Variants in DENND5A observed in about 807,000 individuals in gnomAD.
The protein encoded by DENND5A is DENN domain-containing protein 5A.
A neutral mutation model predicts 140.3 loss-of-function variants in DENND5A; 64 were observed. The observed-to-expected ratio is 0.46, with a 90% CI of 0.37 to 0.56. DENND5A has a LOEUF of 0.56. Among genes scored for constraint, DENND5A ranks in the 20% least tolerant of loss-of-function variants. The pLI is 0.00. For missense variants in DENND5A, 1,292 were observed against 1,593.8 expected, an observed-to-expected ratio of 0.81 and a Z score of 3.22; for synonymous variants, 605 against 607.7, an observed-to-expected ratio of 1.00 and a Z score of 0.07.
intron 5 of DENND5A, among the ~76,000 whole-genome samples, chr11:9,191,217 GT>G (rs145518255): frequency 3.4e-5 from 5 of 148,060 alleles, no homozygotes; most frequent in Admixed American, 6.8e-5. Flanking sequence ...TTTCTTTTCT[GT>G]TTTTTTTTTG....
At chr11:9,262,316 G>A (rs964449208) in intron 1 of DENND5A, among the ~76,000 whole-genome samples, 2 of 152,088 alleles carry the variant, frequency 1.3e-5, no homozygotes, top group South Asian at 2.1e-4. Flanking sequence ...TCTATCATTC[G>A]CAAAACATTC....
intron 1 of DENND5A, among the ~76,000 whole-genome samples, chr11:9,221,116 T>C (rs1304107943): frequency 6.6e-6 from 1 of 151,256 alleles, no homozygotes; most frequent in South Asian, 2.1e-4. Context: ...CAAAAAACTT[T>C]GGTATCAGAA....
chr11:9,175,010 T>C (rs555285117), intron 8 of DENND5A, among the ~76,000 whole-genome samples: 43 of 152,100 alleles, frequency 2.8e-4, no homozygotes, highest in African/African-American at 9.6e-4. Flanking sequence ...AAATAAAAGG[T>C]ATCCAGGGTG....
At chr11:9,166,818 C>T (rs569890956) in intron 10 of DENND5A, among the ~76,000 whole-genome samples, 7 of 150,952 alleles carry the variant, frequency 4.6e-5, no homozygotes, top group East Asian at 3.9e-4. Context: ...GGCGACAGAG[C>T]GAGACTCCAT....
chr11:9,249,110 C>A (rs1051118083), intron 1 of DENND5A, among the ~76,000 whole-genome samples: 2 of 151,850 alleles, frequency 1.3e-5, no homozygotes, highest in Non-Finnish European at 2.9e-5. Flanking sequence ...CGCCTGTAGT[C>A]CCAGTTACTC....
At chr11:9,152,508 C>A in intron 12 of DENND5A, 66 bp from the exon 13 acceptor site, 1 of 1,093,852 alleles carries the variant, frequency 9.1e-7, no homozygotes, top group Non-Finnish European at 1.4e-6. Flanking sequence ...TTTCAACATA[C>A]AGATAGAAGC....
chr11:9,218,749 T>G (rs1850195765), intron 1 of DENND5A, among the ~76,000 whole-genome samples: 1 of 152,236 alleles, frequency 6.6e-6, no homozygotes, highest in South Asian at 2.1e-4. Context: ...CTCACGCCTG[T>G]AATCCCAGCA....
chr11:9,223,086 G>C (rs1404551035), intron 1 of DENND5A, among the ~76,000 whole-genome samples: 1 of 152,200 alleles, frequency 6.6e-6, no homozygotes. Flanking sequence ...GCTTGTCTCT[G>C]AAAGTTAAAA....
At chr11:9,206,907 C>T in intron 2 of DENND5A, 125 bp from the exon 3 acceptor site, 1 of 670,492 alleles carries the variant, frequency 1.5e-6, no homozygotes, top group East Asian at 2.6e-5. Context: ...GTATGCCAAC[C>T]ATCTAAGAAT....
chr11:9,258,247 G>T (rs1852035404), intron 1 of DENND5A, among the ~76,000 whole-genome samples: 2 of 152,014 alleles, frequency 1.3e-5, no homozygotes, highest in African/African-American at 4.8e-5. Flanking sequence ...CCTACATTAG[G>T]TATTTCTCCT....
At chr11:9,262,547 C>G (rs964389557) in intron 1 of DENND5A, among the ~76,000 whole-genome samples, 2 of 152,116 alleles carry the variant, frequency 1.3e-5, no homozygotes, top group Admixed American at 1.3e-4. Context: ...TGTATACAGG[C>G]CCCACTGTCC....
chr11:9,143,036 G>C, intron 20 of DENND5A, 191 bp from the exon 21 acceptor site: 5 of 653,688 alleles, frequency 7.6e-6, no homozygotes. Flanking sequence ...TGAATAAATG[G>C]ATGAAAGAAG....
chr11:9,249,088 C>T (rs183606262), intron 1 of DENND5A, among the ~76,000 whole-genome samples: 6 of 151,908 alleles, frequency 3.9e-5, no homozygotes, highest in East Asian at 1.9e-4. Flanking sequence ...ATTAGCCGGG[C>T]GTGGTGGTGG....
chr11:9,236,742 A>AG (rs1851020399), intron 1 of DENND5A, among the ~76,000 whole-genome samples: 1 of 150,954 alleles, frequency 6.6e-6, no homozygotes, highest in Non-Finnish European at 1.5e-5. Flanking sequence ...AAAAAGATGA[A>AG]AAGGAAGAGA....
intron 1 of DENND5A, among the ~76,000 whole-genome samples, chr11:9,254,900 A>G (rs1268920077): frequency 1.3e-5 from 2 of 151,364 alleles, no homozygotes; most frequent in South Asian, 4.2e-4. Flanking sequence ...GTGAAACCCC[A>G]TCTCTACTAA....
At chr11:9,218,746 C>G (rs1850195369) in intron 1 of DENND5A, among the ~76,000 whole-genome samples, 1 of 152,196 alleles carries the variant, frequency 6.6e-6, no homozygotes, top group African/African-American at 2.4e-5. Context: ...TGGCTCACGC[C>G]TGTAATCCCA....
intron 3 of DENND5A, among the ~76,000 whole-genome samples, chr11:9,204,910 TTTTG>T (rs1564914557): frequency 6.6e-6 from 1 of 152,116 alleles, no homozygotes; most frequent in Non-Finnish European, 1.5e-5. Context: ...TAGAAGGGTA[TTTTG>T]GGGACAAGAA....
At chr11:9,237,581 A>C (rs1416487320) in intron 1 of DENND5A, among the ~76,000 whole-genome samples, 1 of 151,964 alleles carries the variant, frequency 6.6e-6, no homozygotes, top group Non-Finnish European at 1.5e-5. Context: ...ATCTATTAAA[A>C]TTTAAAATGC....
intron 5 of DENND5A, among the ~76,000 whole-genome samples, chr11:9,186,346 A>G (rs1200946122): frequency 6.6e-6 from 1 of 152,258 alleles, no homozygotes; most frequent in East Asian, 1.9e-4. Flanking sequence ...GAAGAGATAA[A>G]GACAGAATTA....
Sources: allele counts gnomAD v4.1 joint callset (sites outside exome capture counted in the v4.1 genomes callset), GRCh38; gene constraint gnomAD v4.1.1; transcripts MANE v1.5; gene names NCBI Gene and HGNC (gene_info 2026-07-23, HGNC 2026-07-21).